The following HELZ variants were observed in gnomAD, a reference collection of about 807,000 sequenced individuals.
HELZ encodes the protein ATP-dependent RNA helicase with zinc finger domain.
Under a neutral mutation model 218.2 loss-of-function variants are expected in HELZ, and 23 were observed. The ratio of observed to expected loss-of-function variants is 0.11; its 90% CI spans 0.08 to 0.15. HELZ has a LOEUF of 0.15. HELZ is among the 10% of genes least tolerant of loss of function. HELZ has a pLI of 1.00. For missense variants in HELZ, 1,813 were observed against 2,353.7 expected, an observed-to-expected ratio of 0.77 and a Z score of 4.75; for synonymous variants, 814 against 829.4, an observed-to-expected ratio of 0.98 and a Z score of 0.32.
rs190375131 is a variant in HELZ at position 67,107,281 on chromosome 17, G to A, written c.5129C>T (p.Pro1710Leu). 125 of 1,614,138 alleles carry A rather than the reference G, an allele frequency of 7.7e-5. No homozygotes were observed. The East Asian group carries it at 2.6e-3, about 33-fold the overall frequency. ...CTGTATTTGTACAAAAGGGTTCTGC[G>A]GTGGCCTGTGAGGCAATGGAGGTAG... ...YGLPPLPHRP[P>L]QNPFVQIQNH... Residue 1710 changes from proline to leucine, a missense_variant, in exon 31 of 33, where the codon CCG becomes CTG. Physicochemically the swap from Pro to Leu is moderately conservative, Grantham distance 98. This residue lies in a region of HELZ where 938 missense variants were observed against 1,027.5 expected (regional missense o/e 0.91). Coordinates refer to ENST00000358691, the MANE Select transcript of HELZ (RefSeq NM_014877.4).
chr17:67,244,148 T>C (rs1349665128), intron 1 of HELZ: 1 of 303,298 alleles, frequency 3.3e-6, no homozygotes, highest in Non-Finnish European at 4.7e-6. Context: ...TTCATTAATA[T>C]GAGTTTAAGA....
intron 31 of HELZ, among the ~76,000 whole-genome samples, chr17:67,090,007 TA>T (rs2036531769): frequency 6.6e-6 from 1 of 152,090 alleles, no homozygotes; most frequent in African/African-American, 2.4e-5. Flanking sequence ...TTAGAAGCAC[TA>T]AATCTCTCAC....
chr17:67,181,811 T>C (rs1323385818), intron 12 of HELZ, among the ~76,000 whole-genome samples: 1 of 152,014 alleles, frequency 6.6e-6, no homozygotes, highest in African/African-American at 2.4e-5. Flanking sequence ...TGACTACTAC[T>C]AAGGATACGG....
intron 32 of HELZ, among the ~76,000 whole-genome samples, chr17:67,086,281 C>A (rs908968663): frequency 6.6e-6 from 1 of 152,074 alleles, no homozygotes; most frequent in African/African-American, 2.4e-5. Context: ...TATCTACTAA[C>A]CTTCTGGACA....
At chr17:67,167,436 T>A in intron 14 of HELZ, 27 bp downstream of exon 14, 1 of 1,518,560 alleles carries the variant, frequency 6.6e-7, no homozygotes, top group Non-Finnish European at 9.1e-7. Context: ...CAGACCACTA[T>A]GGTTAAGCTG....
rs192962128 is a variant in HELZ, at chr17:67,213,964, G to T, written c.247+1935C>A. 1.9e-3 allele frequency among the ~76,000 whole-genome samples: 283 copies of T among 152,242 alleles called. 2 individuals are homozygous for T. The highest frequency in any genetic ancestry group is 6.6e-3 in the African/African-American group (275 of 41,554). On this transcript the variant is annotated intron_variant, in intron 5 of 32. Coordinates refer to ENST00000358691, the MANE Select transcript of HELZ (RefSeq NM_014877.4). ...TTAATTTTTAAAGGAAAAACTCTAC[G>T]TATTATAAGCACTTATGTTTGTCAC...
intron 21 of HELZ, among the ~76,000 whole-genome samples, chr17:67,140,306 T>G (rs2038282833): frequency 6.6e-6 from 1 of 152,162 alleles, no homozygotes; most frequent in Admixed American, 6.5e-5. Flanking sequence ...AACTGCTCCA[T>G]AAGTTCTGCC....
chr17:67,190,504 G>A, intron 9 of HELZ, 149 bp from the exon 10 acceptor site: 1 of 629,498 alleles, frequency 1.6e-6, no homozygotes, highest in Non-Finnish European at 2.8e-6. Flanking sequence ...TACAAAGGAG[G>A]GAGAAGAGGT....
chr17:67,137,185 T>C (rs1300020548), intron 22 of HELZ, among the ~76,000 whole-genome samples: 4 of 152,178 alleles, frequency 2.6e-5, no homozygotes, highest in African/African-American at 7.2e-5. Context: ...CCTCACCCTA[T>C]GACAAATCTC....
chr17:67,146,604 C>T (rs2038505208), intron 20 of HELZ, among the ~76,000 whole-genome samples: 1 of 152,160 alleles, frequency 6.6e-6, no homozygotes, highest in African/African-American at 2.4e-5. Flanking sequence ...ACAATGTACA[C>T]AACTGAAAGA....
At chr17:67,086,455 C>T (rs1428944841) in intron 32 of HELZ, among the ~76,000 whole-genome samples, 1 of 151,212 alleles carries the variant, frequency 6.6e-6, no homozygotes, top group Non-Finnish European at 1.5e-5. Flanking sequence ...GGTGTGTGTG[C>T]CTGTAACCCC....
intron 9 of HELZ, among the ~76,000 whole-genome samples, chr17:67,193,218 G>A (rs748247512): frequency 2.0e-5 from 3 of 151,766 alleles, no homozygotes; most frequent in East Asian, 1.9e-4. Context: ...GGTGGCACAC[G>A]CCTGTAGTCC....
chr17:67,079,313 A>C (rs2036114380), intron 32 of HELZ, among the ~76,000 whole-genome samples: 1 of 152,240 alleles, frequency 6.6e-6, no homozygotes, highest in South Asian at 2.1e-4. Flanking sequence ...AAGTCCAAAG[A>C]AGAAAGTCAT....
At chr17:67,140,637 G>A (rs912170863) in intron 21 of HELZ, among the ~76,000 whole-genome samples, 8 of 152,074 alleles carry the variant, frequency 5.3e-5, no homozygotes, top group Non-Finnish European at 1.2e-4. Flanking sequence ...CAGGAGGAGC[G>A]CAAAGATGGA....
chr17:67,195,068 C>T (rs549393699), intron 8 of HELZ, among the ~76,000 whole-genome samples: 1 of 152,066 alleles, frequency 6.6e-6, no homozygotes, highest in Non-Finnish European at 1.5e-5. Context: ...GCTCACAGAT[C>T]AAAACTTCCA....
chr17:67,157,304 A>G (rs1263521102), intron 17 of HELZ, among the ~76,000 whole-genome samples: 2 of 152,186 alleles, frequency 1.3e-5, no homozygotes, highest in Non-Finnish European at 2.9e-5. Context: ...AGAGGGGGGA[A>G]AAAAAGAAAG....
intron 3 of HELZ, among the ~76,000 whole-genome samples, chr17:67,228,969 C>T (rs962384012): frequency 1.3e-5 from 2 of 152,068 alleles, no homozygotes; most frequent in South Asian, 2.1e-4. Flanking sequence ...CCGCCCGCCT[C>T]GGCCACCCAA....
chr17:67,112,018 T>C (rs2037295553), intron 28 of HELZ, among the ~76,000 whole-genome samples: 1 of 152,196 alleles, frequency 6.6e-6, no homozygotes, highest in Non-Finnish European at 1.5e-5. Context: ...TAGGTCTGCG[T>C]CACAGAAATT....
intron 5 of HELZ, among the ~76,000 whole-genome samples, chr17:67,215,534 A>G (rs982200783): frequency 6.6e-6 from 1 of 152,102 alleles, no homozygotes; most frequent in Non-Finnish European, 1.5e-5. Context: ...GTTTTAGTAG[A>G]GATGGGGTTT....
Sources: gnomAD v4.1 joint callset for allele counts (sites outside exome capture counted in the v4.1 genomes callset) on GRCh38, gnomAD v4.1.1 for gene constraint, gnomAD v4.1.1 regional missense constraint, MANE v1.5 for transcripts, NCBI Gene and HGNC (gene_info 2026-07-23, HGNC 2026-07-21) for gene names.